The following RGS22 variants were observed in gnomAD, a reference collection of about 807,000 sequenced individuals.
RGS22 encodes the protein regulator of G protein signaling 22, also known as regulator of G-protein signaling 22.
RGS22 carries 148 observed loss-of-function variants against 172.9 expected under a neutral mutation model. The ratio of observed to expected loss-of-function variants is 0.86; its 90% confidence interval spans 0.75 to 0.98. RGS22 has a LOEUF of 0.98. Ranked by LOEUF, RGS22 falls within the 50% of genes least tolerant of loss-of-function variation. The probability of loss-of-function intolerance (pLI) is 0.00; values close to 1 mark genes in which losing one functional copy is unlikely to be tolerated. For synonymous variants in RGS22, 458 were observed against 480.2 expected (o/e 0.95, Z 0.60); for missense variants, 1,347 against 1,440.8 (o/e 0.93, Z 1.05).
chr8:100,019,888 CT>C (rs761435532), intron 14 of RGS22, among the ~76,000 whole-genome samples: 725 of 141,990 alleles, frequency 5.1e-3, no homozygotes, highest in Admixed American at 9.4e-3. Flanking sequence ...AAAAAAAGTA[CT>C]TTTTTTTTTT....
At position 100,062,579 on chromosome 8, in the gene RGS22, A is replaced by T. The variant is rs749876368; in HGVS notation, c.1514+12T>A. 2 of 1,549,578 alleles carry T rather than the reference A, an allele frequency of 1.3e-6. No individual in the cohort carries two copies. Among genetic ancestry groups the T allele is most frequent in the Non-Finnish European group, 1.8e-6 (2 of 1,133,528 alleles). ...GAAAGTGAAAGTAAGTAACTGATTC[A>T]TGTTTTCTTACCAATACAGAAGTAA... is the stretch of plus-strand genomic sequence containing the variant. On this transcript the variant is annotated intron_variant, in intron 9 of 27. Coordinates refer to ENST00000360863, the MANE Select transcript of RGS22 (RefSeq NM_015668.5).
intron 6 of RGS22, among the ~76,000 whole-genome samples, chr8:100,069,905 G>A (rs1191630037): frequency 1.3e-5 from 2 of 151,706 alleles, no homozygotes; most frequent in Non-Finnish European, 2.9e-5. Context: ...GCACGTGCCT[G>A]TAATCCCAGC....
intron 2 of RGS22, among the ~76,000 whole-genome samples, chr8:100,103,451 T>C (rs1251923734): frequency 6.6e-6 from 1 of 152,122 alleles, no homozygotes; most frequent in Non-Finnish European, 1.5e-5. Context: ...GAATGGCCAG[T>C]GGCACCACAA....
chr8:100,035,196 G>C (rs1279417518), intron 14 of RGS22, among the ~76,000 whole-genome samples: 1 of 152,088 alleles, frequency 6.6e-6, no homozygotes, highest in Non-Finnish European at 1.5e-5. Flanking sequence ...GAAAAATTTT[G>C]CAATCTACCC....
intron 14 of RGS22, among the ~76,000 whole-genome samples, chr8:100,020,892 A>G (rs1817535374): frequency 6.6e-6 from 1 of 152,248 alleles, no homozygotes; most frequent in Admixed American, 6.5e-5. Context: ...GGGAAATATT[A>G]TATGATGGGG....
chr8:99,992,658 A>G (rs1813888884), intron 20 of RGS22, among the ~76,000 whole-genome samples: 1 of 152,190 alleles, frequency 6.6e-6, no homozygotes, highest in Admixed American at 6.5e-5. Context: ...ACTCCCACAC[A>G]ATAATAATGG....
rs373873302 is a variant in RGS22 at position 100,080,293 on chromosome 8, A to G, written c.180T>C (p.Ala60=). 3 of 1,613,706 alleles carry G rather than the reference A, an allele frequency of 1.9e-6. No individual in the cohort carries two copies. The South Asian group carries it at 3.3e-5, about 18-fold the overall frequency. ...TCAGTTGTTTTTCCAGAAATTGTGG[A>G]GCATCATTAGCTACTTCAAAAACTC... ...DYGVFEVAND[A]PQFLEKQLKK... The change falls in exon 4 of 28, where the codon GCT becomes GCC. Residue 60 remains alanine (A), a synonymous_variant. Transcript: ENST00000360863.
chr8:100,053,041 C>G (rs972870468), intron 9 of RGS22, 65 bp from the exon 10 acceptor site: 1 of 1,397,992 alleles, frequency 7.2e-7, no homozygotes. Flanking sequence ...GAAAAGCCTA[C>G]AAAATACATA....
chr8:99,993,077 A>T (rs1385577140), intron 20 of RGS22, among the ~76,000 whole-genome samples: 4 of 152,230 alleles, frequency 2.6e-5, no homozygotes, highest in African/African-American at 9.6e-5. Flanking sequence ...ATGAGAACAA[A>T]GACACAATGT....
intron 2 of RGS22, 62 bp from the exon 3 acceptor site, chr8:100,093,571 T>G: frequency 9.1e-7 from 1 of 1,097,992 alleles, no homozygotes; most frequent in Non-Finnish European, 1.4e-6. Context: ...ATGCCTATAT[T>G]ATTCTCTATT....
chr8:100,028,797 G>A (rs1462918818), intron 14 of RGS22, among the ~76,000 whole-genome samples: 1 of 152,104 alleles, frequency 6.6e-6, no homozygotes, highest in African/African-American at 2.4e-5. Flanking sequence ...ATAGCAGCCA[G>A]GCCCCCACGA....
rs1347624485 is a variant in RGS22, at chr8:100,041,718, TAAATC to T, written c.1938+79_1938+83del. On this transcript the variant is annotated intron_variant, in intron 12 of 27. Coordinates refer to ENST00000360863, the MANE Select transcript of RGS22 (RefSeq NM_015668.5). ...GCTTAGTAAAGAAAAAATATTATGA[TAAATC>T]AATACAAATTCTCTAAAATCAGGAG... 6.4e-5 allele frequency: 48 copies of T among 744,812 alleles called. No homozygotes were observed. In the East Asian group the frequency reaches 1.2e-3, roughly 19 times the overall value. 46.1% of individuals were successfully genotyped at this position (744,812 alleles called of 1,614,324 possible). A position where few individuals can be genotyped will look rare whatever the true frequency, so the allele number is the denominator to read the frequency against.
chr8:100,069,654 C>T (rs970715423), intron 6 of RGS22, among the ~76,000 whole-genome samples: 11 of 152,060 alleles, frequency 7.2e-5, no homozygotes, highest in African/African-American at 2.7e-4. Context: ...GAAATGAATC[C>T]AAATTATAGC....
intron 19 of RGS22, among the ~76,000 whole-genome samples, chr8:99,997,476 A>G (rs1052169252): frequency 6.6e-6 from 1 of 152,212 alleles, no homozygotes; most frequent in Non-Finnish European, 1.5e-5. Flanking sequence ...CCTAAAGTCA[A>G]TCCTTCTTCT....
At position 100,016,683 on chromosome 8, in the gene RGS22, AGG is replaced by A. The variant is rs1816997597; in HGVS notation, c.2167-8116_2167-8115del. ...TCCCAGCTGCTCAGGAGGCTGAGGT[AGG>A]AGAATGGCGTGAACCCGGGAGGCGG... On this transcript the variant is annotated intron_variant, in intron 14 of 27. Coordinates refer to ENST00000360863, the MANE Select transcript of RGS22 (RefSeq NM_015668.5). Among the ~76,000 whole-genome samples the A allele has an allele frequency of 3.9e-5, 6 of 152,278 alleles. No homozygotes were observed. In the South Asian group the frequency reaches 1.2e-3, roughly 32 times the overall value.
At chr8:100,049,621 A>G (rs1051428440) in intron 10 of RGS22, among the ~76,000 whole-genome samples, 13 of 152,268 alleles carry the variant, frequency 8.5e-5, no homozygotes, top group African/African-American at 2.9e-4. Flanking sequence ...ACAAATGTTC[A>G]TATGTTATCA....
intron 2 of RGS22, among the ~76,000 whole-genome samples, chr8:100,103,374 G>T (rs750591120): frequency 1.4e-4 from 21 of 152,192 alleles, no homozygotes; most frequent in Non-Finnish European, 2.5e-4. Context: ...GGCTATGAAA[G>T]GAGCTTGGTA....
intron 12 of RGS22, among the ~76,000 whole-genome samples, chr8:100,041,263 C>T (rs1432175747): frequency 3.9e-5 from 6 of 152,082 alleles, no homozygotes; most frequent in Non-Finnish European, 8.8e-5. Context: ...GCGAGACAGG[C>T]GGATTGCCTG....
intron 14 of RGS22, among the ~76,000 whole-genome samples, chr8:100,037,551 G>A (rs1213442673): frequency 6.6e-6 from 1 of 152,062 alleles, no homozygotes; most frequent in Non-Finnish European, 1.5e-5. Context: ...AAACTGTGTG[G>A]TTTTACAATC....
Sources: gnomAD v4.1 joint callset for allele counts (sites outside exome capture counted in the v4.1 genomes callset) on GRCh38, gnomAD v4.1.1 for gene constraint, MANE v1.5 for transcripts, NCBI Gene and HGNC (gene_info 2026-07-23, HGNC 2026-07-21) for gene names.